Variants in RDX observed in about 807,000 individuals in gnomAD.
The protein encoded by RDX is deafness, autosomal recessive 24.
Under a neutral mutation model 83.7 loss-of-function variants are expected in RDX, and 32 were observed. The observed-to-expected ratio is 0.38, with a 90% CI of 0.29 to 0.51. The LOEUF is 0.51. Ranked by LOEUF, RDX falls within the 20% of genes least tolerant of loss-of-function variation. RDX has a pLI of 0.87. For missense variants in RDX, 600 were observed against 689.9 expected (o/e 0.87, Z 1.46); for synonymous variants, 229 against 222.7 (o/e 1.03, Z -0.25).
At chr11:110,226,119 C>G (rs186973421), downstream of RDX, among the ~76,000 whole-genome samples, 21 of 151,318 alleles carry the variant, frequency 1.4e-4, no homozygotes, top group African/African-American at 5.1e-4. Context: ...CCAAACAATT[C>G]CATTTCTGGG....
rs141847612 is a variant in RDX at position 110,235,620 on chromosome 11, T to C, written c.1344+479A>G. 1.8e-3 allele frequency among the ~76,000 whole-genome samples: 276 copies of C among 152,338 alleles called. 2 individuals are homozygous for C. The highest frequency in any genetic ancestry group is 6.5e-3 in the African/African-American group (269 of 41,578). ...CCCACTGCCTTGCTGTAGCAGAGCA[T>C]TTATTTAAAGCCTTTCACAATTCCC... On this transcript the variant is annotated intron_variant, in intron 12 of 13. Coordinates refer to ENST00000645495, the MANE Select transcript of RDX (RefSeq NM_002906.4).
chr11:110,248,411 C>A (rs2134341979), intron 9 of RDX, among the ~76,000 whole-genome samples: 1 of 152,120 alleles, frequency 6.6e-6, no homozygotes, highest in Admixed American at 6.5e-5. Flanking sequence ...TACGTACATA[C>A]ATGTGCTGGG....
At chr11:110,226,405 T>C (rs1864437402), downstream of RDX, among the ~76,000 whole-genome samples, 1 of 152,210 alleles carries the variant, frequency 6.6e-6, no homozygotes, top group African/African-American at 2.4e-5. Context: ...AGTTCACTTT[T>C]ATGAGGTACT....
At chr11:110,252,052 T>C (rs1859360707) in intron 9 of RDX, among the ~76,000 whole-genome samples, 1 of 152,190 alleles carries the variant, frequency 6.6e-6, no homozygotes. Context: ...CTCTCTGACC[T>C]GTAAAGCAGG....
chr11:110,201,657 T>G (rs1324373503), intron 14 of RDX, among the ~76,000 whole-genome samples: 2 of 152,198 alleles, frequency 1.3e-5, no homozygotes, highest in African/African-American at 2.4e-5. Flanking sequence ...CGGTAAGCCA[T>G]GGGTTAGAAT....
At chr11:110,247,964 T>C in intron 9 of RDX, 131 bp from the exon 10 acceptor site, 1 of 995,228 alleles carries the variant, frequency 1.0e-6, no homozygotes, top group Non-Finnish European at 1.5e-6. Context: ...CTGGAGGCCA[T>C]GATTCTAAGT....
intron 10 of RDX, 58 bp from the exon 11 acceptor site, chr11:110,237,710 A>G: frequency 6.4e-7 from 1 of 1,567,210 alleles, no homozygotes; most frequent in Non-Finnish European, 8.8e-7. Flanking sequence ...CTCATTATCA[A>G]AAGAAGCTAA....
chr11:110,272,702 G>T, intron 2 of RDX, 83 bp from the exon 3 acceptor site: 1 of 908,604 alleles, frequency 1.1e-6, no homozygotes, highest in Non-Finnish European at 1.7e-6. Context: ...TTATTAAAGT[G>T]ATAAAGTTTT....
At chr11:110,276,604 T>C (rs1273075649) in intron 2 of RDX, among the ~76,000 whole-genome samples, 2 of 152,232 alleles carry the variant, frequency 1.3e-5, no homozygotes, top group Non-Finnish European at 2.9e-5. Flanking sequence ...ATATAGACTC[T>C]ATACATGACT....
chr11:110,219,723 C>T (rs1864181156), intron 14 of RDX, among the ~76,000 whole-genome samples: 1 of 152,082 alleles, frequency 6.6e-6, no homozygotes, highest in African/African-American at 2.4e-5. Context: ...AAGGGGAAGA[C>T]TGAGGCAGGA....
At chr11:110,205,823 T>C (rs1046583932) in intron 14 of RDX, among the ~76,000 whole-genome samples, 2 of 152,192 alleles carry the variant, frequency 1.3e-5, no homozygotes, top group East Asian at 1.9e-4. Context: ...GTTGAAGATG[T>C]GCATATTCCA....
intron 11 of RDX, among the ~76,000 whole-genome samples, chr11:110,237,287 T>C (rs968915650): frequency 3.9e-5 from 6 of 152,040 alleles, no homozygotes; most frequent in African/African-American, 1.4e-4. Context: ...TATAGAAAAA[T>C]GCCTTATTCT....
rs535178400 is a variant in RDX at position 110,205,596 on chromosome 11, C to CA, written c.1749-5919dup. On this transcript the variant is annotated intron_variant, in intron 14 of 15. Coordinates refer to the RDX transcript ENST00000528498. ...GATAAACAATCTAATAAAAAACAGGCAAAAAAAAAGTTATTTCAAAGAAAA... is the reference window on the plus strand; with the variant it reads ...GATAAACAATCTAATAAAAAACAGGCAAAAAAAAAAGTTATTTCAAAGAAAA... Among the ~76,000 whole-genome samples the CA allele has an allele frequency of 6.9e-3, 1,029 of 149,150 alleles. 19 individuals are homozygous for CA. The highest frequency in any genetic ancestry group is 0.022 in the African/African-American group (896 of 40,608).
intron 14 of RDX, among the ~76,000 whole-genome samples, chr11:110,199,984 A>G (rs558846854): frequency 3.5e-4 from 53 of 152,350 alleles, no homozygotes; most frequent in Admixed American, 5.2e-4. Flanking sequence ...GTCTCTTTCA[A>G]TAATAAGACC....
intron 15 of RDX, among the ~76,000 whole-genome samples, chr11:110,175,841 CA>C (rs1289774093): frequency 1.3e-5 from 2 of 152,276 alleles, no homozygotes; most frequent in East Asian, 3.9e-4. Flanking sequence ...TGTATGTTGC[CA>C]AATTAAGACA....
At chr11:110,270,407 T>G (rs1860255526) in intron 3 of RDX, among the ~76,000 whole-genome samples, 1 of 152,182 alleles carries the variant, frequency 6.6e-6, no homozygotes, top group Non-Finnish European at 1.5e-5. Flanking sequence ...AAAAATATGG[T>G]ATTACACTCT....
chr11:110,208,183 T>C (rs1285170851), intron 14 of RDX, among the ~76,000 whole-genome samples: 4 of 152,196 alleles, frequency 2.6e-5, no homozygotes, highest in Admixed American at 2.6e-4. Context: ...AAAATGTTAC[T>C]AACGCTTTCT....
intron 14 of RDX, among the ~76,000 whole-genome samples, chr11:110,207,501 C>G (rs1376215647): frequency 6.6e-6 from 1 of 152,202 alleles, no homozygotes; most frequent in African/African-American, 2.4e-5. Flanking sequence ...CAGAAAGACA[C>G]AGCACTGGCC....
chr11:110,221,185 C>T (rs940912121), intron 14 of RDX, among the ~76,000 whole-genome samples: 2 of 152,124 alleles, frequency 1.3e-5, no homozygotes, highest in South Asian at 2.1e-4. Context: ...AGGGAAATCA[C>T]AAATTACTAA....
Sources: gnomAD v4.1 joint callset for allele counts (sites outside exome capture counted in the v4.1 genomes callset) on GRCh38, gnomAD v4.1.1 for gene constraint, MANE v1.5 for transcripts, NCBI Gene and HGNC (gene_info 2026-07-23, HGNC 2026-07-21) for gene names.